The following SYNJ2 variants were observed in gnomAD, a reference collection of about 807,000 sequenced individuals.
SYNJ2 encodes synaptojanin 2, also known as polyphosphatidylinositol phosphatase SYNJ2.
In SYNJ2, 116 loss-of-function variants were observed where a neutral mutation model predicts 141.3. The observed-to-expected ratio is 0.82, with a 90% CI of 0.71 to 0.96. SYNJ2 has a LOEUF of 0.96. Among genes scored for constraint, SYNJ2 ranks in the 40% least tolerant of loss-of-function variants. The probability of loss-of-function intolerance (pLI) is 0.00; values close to 1 mark genes in which losing one functional copy is unlikely to be tolerated. For missense variants in SYNJ2, 1,873 were observed against 1,934.8 expected (o/e 0.97, Z 0.60); for synonymous variants, 745 against 777.7 (o/e 0.96, Z 0.70).
chr6:158,076,078 CTTGGG>C (rs1782265351), intron 16 of SYNJ2, among the ~76,000 whole-genome samples: 1 of 152,108 alleles, frequency 6.6e-6, no homozygotes, highest in South Asian at 2.1e-4. Context: ...GTCCCAGCTA[CTTGGG>C]AGGCTGAGGC....
At chr6:158,011,133 TAAC>T (rs766358440) in intron 1 of SYNJ2, among the ~76,000 whole-genome samples, 6 of 151,974 alleles carry the variant, frequency 3.9e-5, no homozygotes, top group African/African-American at 7.2e-5. Context: ...GATGACCACA[TAAC>T]AACGAGGGGA....
Position 158,068,017 on chromosome 6 carries a change from G to A in SYNJ2, c.1718-630G>A, listed in dbSNP as rs184992926. The A allele has an allele frequency of 4.7e-3, 4,618 of 984,220 alleles. 11 individuals are homozygous for A. The highest frequency in any genetic ancestry group is 5.1e-3 in the Non-Finnish European group (4,261 of 829,110). 61.0% of individuals were successfully genotyped at this position (984,220 alleles called of 1,614,324 possible). A position where few individuals can be genotyped will look rare whatever the true frequency, so the allele number is the denominator to read the frequency against. ...TGGTATTTTGCAGGGGATTTTTTTG[G>A]GGTAGACACTAGCAGGCTCCCCAGC... On this transcript the variant is annotated intron_variant, in intron 12 of 26. Transcript: ENST00000355585.
At position 158,040,973 on chromosome 6, in the gene SYNJ2, C is replaced by T. The variant is rs917539605; in HGVS notation, c.712-2343C>T. ...TTCTTCCCACGACCCAAGCTCTCTC[C>T]GACGCCAGCAGGTGCCCGCATGCAT... On this transcript the variant is annotated intron_variant, in intron 4 of 26. Coordinates refer to ENST00000355585, the MANE Select transcript of SYNJ2 (RefSeq NM_003898.4). The surrounding 1 kb of genome is among the most constrained non-coding windows in gnomAD (Gnocchi z 4.2). Among the ~76,000 whole-genome samples, 5 of 152,322 alleles carry T rather than the reference C, an allele frequency of 3.3e-5. No individual in the cohort carries two copies. Among genetic ancestry groups the T allele is most frequent in the Admixed American group, 6.5e-5 (1 of 15,302 alleles).
chr6:158,051,163 C>T (rs1404034129), intron 5 of SYNJ2, among the ~76,000 whole-genome samples: 2 of 152,180 alleles, frequency 1.3e-5, no homozygotes, highest in African/African-American at 4.8e-5. Flanking sequence ...GAGAGCCAGG[C>T]TCCTCAGCCC....
intron 4 of SYNJ2, 32 bp downstream of exon 4, chr6:158,033,712 T>A: frequency 1.9e-6 from 3 of 1,577,806 alleles, no homozygotes; most frequent in Non-Finnish European, 2.6e-6. Flanking sequence ...TGGCACCAAA[T>A]GGTTCCGAGT....
chr6:158,017,129 G>A, intron 1 of SYNJ2, 75 bp from the exon 2 acceptor site: 1 of 1,541,502 alleles, frequency 6.5e-7, no homozygotes, highest in Admixed American at 2.0e-5. Flanking sequence ...AGCCAGCTTG[G>A]CAAGCCGGGT....
chr6:158,000,064 CTTTTTTTTTTTTTTTTTTTTTTT>C lies in SYNJ2; in HGVS notation c.128-17123_128-17101del, dbSNP rs58284240. ...GCCAGGTTCTCACCAAGCCAAAAGG[CTTTTTTTTTTTTTTTTTTTTTTT>C]TTTTTTTTTTTTTTTTGAGGCAGGA... On this transcript the variant is annotated intron_variant, in intron 1 of 26. Coordinates refer to ENST00000355585, the MANE Select transcript of SYNJ2 (RefSeq NM_003898.4). Among the ~76,000 whole-genome samples the C allele has an allele frequency of 3.5e-4, 30 of 85,602 alleles. No homozygotes were observed. In the East Asian group the frequency reaches 5.8e-3, roughly 17 times the overall value. 56.2% of individuals were successfully genotyped at this position (85,602 alleles called of 152,430 possible).
intron 1 of SYNJ2, among the ~76,000 whole-genome samples, chr6:157,994,990 T>G (rs1753948998): frequency 6.6e-6 from 1 of 152,176 alleles, no homozygotes; most frequent in African/African-American, 2.4e-5. Context: ...CACTTCCTTC[T>G]AATTCACAGA....
rs772809997 is a variant in SYNJ2, at chr6:158,084,158, G to A, written c.3192G>A (p.Gln1064=). ...SKSPALTKKK[Q]HPTYKDDADL... ...CACCTGCTCTCACCAAAAAGAAGCA[G>A]CATCCAACGTACAAAGGTAGCCTGA... The change falls in exon 22 of 27, where the codon CAG becomes CAA. Residue 1064 remains glutamine, a synonymous_variant. Transcript: ENST00000355585. The surrounding 1 kb of genome is among the most constrained non-coding windows in gnomAD (Gnocchi z 5.0). 3 of 1,613,866 alleles carry A rather than the reference G, an allele frequency of 1.9e-6. No individual in the cohort carries two copies. The African/African-American group carries it at 4.0e-5, about 22-fold the overall frequency.
chr6:158,068,006 G>A (rs1485479905), intron 12 of SYNJ2: 2 of 984,998 alleles, frequency 2.0e-6, no homozygotes, highest in Non-Finnish European at 2.4e-6. Context: ...ATTTTGCAGG[G>A]GATTTTTTTG....
At chr6:158,017,334 T>C in intron 2 of SYNJ2, 44 bp downstream of exon 2, 1 of 1,569,808 alleles carries the variant, frequency 6.4e-7, no homozygotes, top group Non-Finnish European at 8.6e-7. Context: ...GGCTCCCCGG[T>C]GGGCAGGAGC....
At chr6:158,004,990 G>T (rs916834741) in intron 1 of SYNJ2, among the ~76,000 whole-genome samples, 1 of 151,352 alleles carries the variant, frequency 6.6e-6, no homozygotes. Context: ...CCACGCCCCT[G>T]ACCCCTCCAG....
At chr6:157,981,804 A>C, upstream of SYNJ2, 1 of 563,618 alleles carries the variant, frequency 1.8e-6, no homozygotes, top group Non-Finnish European at 2.6e-6. The surrounding 1 kb of genome is among the most constrained non-coding windows in gnomAD (Gnocchi z 6.4). Context: ...AGTGGGGAGG[A>C]GGAGGAAGGG....
chr6:158,066,930 C>T (rs1219476071), intron 12 of SYNJ2, among the ~76,000 whole-genome samples: 3 of 152,140 alleles, frequency 2.0e-5, no homozygotes, highest in African/African-American at 4.8e-5. Context: ...CGTCACCAGT[C>T]GGAAGGTGTG....
chr6:158,000,432 T>C (rs1777801590), intron 1 of SYNJ2, among the ~76,000 whole-genome samples: 1 of 152,154 alleles, frequency 6.6e-6, no homozygotes, highest in Non-Finnish European at 1.5e-5. Flanking sequence ...TGTCCTGGTG[T>C]TCAGAGGCTC....
At chr6:158,017,873 A>G (rs1008557077) in intron 2 of SYNJ2, 3 of 467,292 alleles carry the variant, frequency 6.4e-6, no homozygotes, top group African/African-American at 6.1e-5. Context: ...TGTGCCAGAG[A>G]AGCTCGTCTT....
At chr6:157,992,906 G>C (rs1777504456) in intron 1 of SYNJ2, among the ~76,000 whole-genome samples, 1 of 152,138 alleles carries the variant, frequency 6.6e-6, no homozygotes, top group South Asian at 2.1e-4. Flanking sequence ...AACTAACATG[G>C]GAGTGCAGAC....
At chr6:158,092,752 G>A (rs1157410390) in intron 25 of SYNJ2, among the ~76,000 whole-genome samples, 174 bp from the exon 26 acceptor site, 2 of 152,076 alleles carry the variant, frequency 1.3e-5, no homozygotes, top group Non-Finnish European at 2.9e-5. Flanking sequence ...GTGGCAGAGC[G>A]AGAGCCCATC....
chr6:158,063,588 G>A (rs1047070125), intron 8 of SYNJ2, among the ~76,000 whole-genome samples: 7 of 150,794 alleles, frequency 4.6e-5, no homozygotes, highest in Non-Finnish European at 7.4e-5. Context: ...GAACCTGGGA[G>A]GCGGAGGTTG....
Sources: gnomAD v4.1 joint callset for allele counts (sites outside exome capture counted in the v4.1 genomes callset) on GRCh38, gnomAD v4.1.1 for gene constraint, Gnocchi (gnomAD v3.1) non-coding constraint, MANE v1.5 for transcripts, NCBI Gene and HGNC (gene_info 2026-07-23, HGNC 2026-07-21) for gene names.